ERC2: variants seen among roughly 807,000 people sequenced by gnomAD.
The protein encoded by ERC2 is ERC protein 2.
A neutral mutation model predicts 114.8 loss-of-function variants in ERC2; 42 were observed. The ratio of observed to expected loss-of-function variants is 0.37; its 90% CI spans 0.29 to 0.47. The LOEUF is 0.47. Among genes scored for constraint, ERC2 ranks in the 20% least tolerant of loss-of-function variants. The pLI is 0.99. For synonymous variants in ERC2, 454 were observed against 425.5 expected (o/e 1.07, Z -0.82); for missense variants, 939 against 1,150.7 (o/e 0.82, Z 2.66).
intron 15 of ERC2, among the ~76,000 whole-genome samples, chr3:55,707,828 G>A (rs931202085): frequency 1.3e-5 from 2 of 152,210 alleles, no homozygotes; most frequent in Admixed American, 6.5e-5. Flanking sequence ...AGAACCAAGA[G>A]TGACACAGTT....
intron 3 of ERC2, among the ~76,000 whole-genome samples, chr3:56,201,840 A>G (rs112873942): frequency 1.3e-5 from 2 of 152,250 alleles, no homozygotes; most frequent in South Asian, 4.1e-4. Context: ...TCTTTACAAC[A>G]GTAGGAGAGC....
chr3:55,919,204 C>T (rs767432559), intron 13 of ERC2, among the ~76,000 whole-genome samples: 5 of 152,032 alleles, frequency 3.3e-5, no homozygotes, highest in Non-Finnish European at 7.4e-5. Flanking sequence ...CATAACAAGA[C>T]CTTATCTCTA....
intron 3 of ERC2, among the ~76,000 whole-genome samples, chr3:56,179,974 G>A (rs1476301552): frequency 6.6e-6 from 1 of 152,052 alleles, no homozygotes; most frequent in Non-Finnish European, 1.5e-5. Context: ...TCAGAGTATT[G>A]AGGACAGGGG....
chr3:55,922,721 C>T (rs953581463), intron 13 of ERC2, among the ~76,000 whole-genome samples: 2 of 152,130 alleles, frequency 1.3e-5, no homozygotes, highest in Non-Finnish European at 2.9e-5. Flanking sequence ...GTCTCTTGCT[C>T]TTTAAAGAAA....
chr3:56,385,264 A>G (rs1281202760), intron 2 of ERC2, among the ~76,000 whole-genome samples: 1 of 152,128 alleles, frequency 6.6e-6, no homozygotes, highest in Non-Finnish European at 1.5e-5. Flanking sequence ...ATACATGGTG[A>G]CTTCTTACTG....
chr3:55,885,104 C>T (rs1256633811), intron 14 of ERC2, among the ~76,000 whole-genome samples: 5 of 152,162 alleles, frequency 3.3e-5, no homozygotes, highest in African/African-American at 9.7e-5. Flanking sequence ...CTCTCCCTTC[C>T]CACCAGGGTT....
chr3:56,047,768 TC>T (rs2075549365), intron 7 of ERC2, among the ~76,000 whole-genome samples: 1 of 152,206 alleles, frequency 6.6e-6, no homozygotes, highest in Non-Finnish European at 1.5e-5. Flanking sequence ...CCACAGGCTC[TC>T]CCGTAGATTT....
At chr3:56,024,514 A>T (rs920125050) in intron 7 of ERC2, among the ~76,000 whole-genome samples, 2 of 152,236 alleles carry the variant, frequency 1.3e-5, no homozygotes, top group African/African-American at 4.8e-5. Flanking sequence ...TCCCTGCAGC[A>T]GAGAGAGGGT....
intron 17 of ERC2, among the ~76,000 whole-genome samples, chr3:55,649,081 T>C (rs2060507572): frequency 6.6e-6 from 1 of 152,110 alleles, no homozygotes; most frequent in Non-Finnish European, 1.5e-5. Flanking sequence ...ACAAAAGTTC[T>C]ACAAGTCATC....
chr3:56,260,784 C>T (rs2052865959), intron 3 of ERC2, among the ~76,000 whole-genome samples: 1 of 152,218 alleles, frequency 6.6e-6, no homozygotes, highest in South Asian at 2.1e-4. Context: ...CACTTTCTTG[C>T]TGAAACCCAG....
chr3:55,888,312 T>C (rs77615044), intron 14 of ERC2, 77 bp downstream of exon 14: 429 of 1,477,654 alleles, frequency 2.9e-4, no homozygotes, highest in Non-Finnish European at 3.8e-4. Context: ...TTTCTTCATC[T>C]TCTCTAGCCC....
intron 2 of ERC2, among the ~76,000 whole-genome samples, chr3:56,340,105 A>G (rs550370599): frequency 7.9e-5 from 12 of 152,306 alleles, no homozygotes; most frequent in Non-Finnish European, 1.8e-4. Context: ...TTTGGTAAAT[A>G]TATACACAGT....
intron 16 of ERC2, among the ~76,000 whole-genome samples, chr3:55,687,906 T>C (rs1436930584): frequency 6.6e-5 from 10 of 152,208 alleles, no homozygotes; most frequent in African/African-American, 2.4e-4. Context: ...AGCCTGCAAA[T>C]GTGGGGCACC....
At chr3:56,433,180 A>G (rs1332095364) in intron 2 of ERC2, among the ~76,000 whole-genome samples, 1 of 31,246 alleles carries the variant, frequency 3.2e-5, no homozygotes, top group African/African-American at 1.2e-4. Context: ...CTGTCTCTTA[A>G]AAAAAAAAAA....
intron 4 of ERC2, among the ~76,000 whole-genome samples, chr3:56,160,853 C>G (rs2082005565): frequency 6.6e-6 from 1 of 151,970 alleles, no homozygotes. Context: ...GTTTTTATAC[C>G]AATACTATGC....
intron 14 of ERC2, among the ~76,000 whole-genome samples, chr3:55,887,504 C>T (rs2063403635): frequency 6.6e-6 from 1 of 152,090 alleles, no homozygotes; most frequent in South Asian, 2.1e-4. Context: ...GTATGTTTCC[C>T]CTTACTGTGG....
chr3:55,717,656 A>G (rs1369152011), intron 15 of ERC2, among the ~76,000 whole-genome samples: 1 of 152,222 alleles, frequency 6.6e-6, no homozygotes, highest in East Asian at 1.9e-4. Flanking sequence ...TCTGAGAAAC[A>G]TCCTAACATC....
intron 14 of ERC2, among the ~76,000 whole-genome samples, chr3:55,739,291 G>T (rs1424993365): frequency 6.6e-6 from 1 of 152,088 alleles, no homozygotes; most frequent in Non-Finnish European, 1.5e-5. Context: ...GGGATTGCTG[G>T]GTCAAATGGT....
intron 10 of ERC2, among the ~76,000 whole-genome samples, chr3:55,993,522 T>C (rs2071241498): frequency 6.6e-6 from 1 of 152,098 alleles, no homozygotes; most frequent in South Asian, 2.1e-4. Context: ...ATTCAAAAAT[T>C]AGTATAAATA....
Sources: allele counts gnomAD v4.1 joint callset (sites outside exome capture counted in the v4.1 genomes callset), GRCh38; gene constraint gnomAD v4.1.1; transcripts MANE v1.5; gene names NCBI Gene and HGNC (gene_info 2026-07-23, HGNC 2026-07-21).